RIMS1: variants seen among roughly 807,000 people sequenced by gnomAD.
RIMS1 encodes the protein regulating synaptic membrane exocytosis protein 1.
RIMS1 carries 83 observed loss-of-function variants against 214.1 expected under a neutral mutation model. That is an observed-to-expected ratio of 0.39 (90% CI 0.32 to 0.47). RIMS1 has a LOEUF of 0.47. RIMS1 is among the 20% of genes least tolerant of loss of function. The probability of loss-of-function intolerance (pLI) is 0.99; values close to 1 mark genes in which losing one functional copy is unlikely to be tolerated. For missense variants in RIMS1, 2,050 were observed against 2,161.8 expected (o/e 0.95, Z 1.03); for synonymous variants, 793 against 786.8 (o/e 1.01, Z -0.13).
intron 2 of RIMS1, among the ~76,000 whole-genome samples, chr6:72,012,497 T>C (rs1375790635): frequency 1.3e-5 from 2 of 151,776 alleles, no homozygotes; most frequent in Admixed American, 1.3e-4. Flanking sequence ...ACTGAAAAAA[T>C]TATGAAGTTG....
chr6:72,250,519 A>C (rs748577238), intron 13 of RIMS1, 59 bp downstream of exon 13: 84 of 1,246,812 alleles, frequency 6.7e-5, no homozygotes, highest in Non-Finnish European at 9.2e-5. Flanking sequence ...AAAAGGTAGA[A>C]TTTTCTCTTT....
intron 2 of RIMS1, among the ~76,000 whole-genome samples, chr6:72,021,562 T>C (rs1425449190): frequency 6.6e-6 from 1 of 152,200 alleles, no homozygotes; most frequent in Non-Finnish European, 1.5e-5. Flanking sequence ...TTAAGCCCAG[T>C]ATACCTGGTG....
At chr6:72,346,068 T>TG (rs1393629755) in intron 29 of RIMS1, among the ~76,000 whole-genome samples, 1 of 151,790 alleles carries the variant, frequency 6.6e-6, no homozygotes, top group Admixed American at 6.6e-5. Context: ...AGGTCCTTTT[T>TG]GACCCTCCAT....
At chr6:72,015,119 G>C (rs534234413) in intron 2 of RIMS1, among the ~76,000 whole-genome samples, 6 of 152,046 alleles carry the variant, frequency 3.9e-5, no homozygotes, top group Non-Finnish European at 8.8e-5. Flanking sequence ...GTCTAAACAT[G>C]AAATTATTTA....
intron 2 of RIMS1, among the ~76,000 whole-genome samples, chr6:72,048,829 T>G (rs11753405): frequency 0.12 from 17,520 of 152,168 alleles, 1,195 homozygotes; most frequent in South Asian, 0.18. Flanking sequence ...GAGGAAGGGG[T>G]GGACTGCAGT....
At chr6:72,123,011 C>T (rs1587572180) in intron 4 of RIMS1, among the ~76,000 whole-genome samples, 1 of 151,770 alleles carries the variant, frequency 6.6e-6, no homozygotes, top group South Asian at 2.1e-4. Flanking sequence ...TTGTCTTCTG[C>T]TAGCTTTTGA....
At chr6:72,207,341 A>G (rs886747200) in intron 6 of RIMS1, among the ~76,000 whole-genome samples, 1 of 152,224 alleles carries the variant, frequency 6.6e-6, no homozygotes. Flanking sequence ...TGTAGCATTT[A>G]ATTACTTAGC....
rs555590962 is a variant in RIMS1, at chr6:72,198,684, A to G, written c.1678+15535A>G. 5.2e-4 allele frequency among the ~76,000 whole-genome samples: 79 copies of G among 152,106 alleles called. No homozygotes were observed. The Middle Eastern group carries it at 0.017, about 33-fold the overall frequency. On this transcript the variant is annotated intron_variant, in intron 6 of 33. Transcript: ENST00000521978. ...AAAATGTTCCCAACATATAGAAACA[A>G]TAAATACGTGAGATAATGGATATCT...
intron 2 of RIMS1, among the ~76,000 whole-genome samples, chr6:72,018,310 A>G (rs1056246215): frequency 6.6e-6 from 1 of 152,174 alleles, no homozygotes; most frequent in East Asian, 1.9e-4. Flanking sequence ...AGAATAATTA[A>G]GTTTTTTTGG....
chr6:72,105,357 G>A (rs1411562737), intron 4 of RIMS1, among the ~76,000 whole-genome samples: 1 of 151,684 alleles, frequency 6.6e-6, no homozygotes, highest in Non-Finnish European at 1.5e-5. Context: ...CATTTTACAT[G>A]GTAATTCATG....
rs1362805046 is a variant in RIMS1 at position 72,290,550 on chromosome 6, C to T, written c.3555-129C>T. On this transcript the variant is annotated intron_variant, in intron 24 of 33. Transcript: ENST00000521978. ...GATTTGAATTCCATTTCAATAATTGCGTGATGGGTTCTCTTCTTTGAAATT... is the reference window on the plus strand; with the variant it reads ...GATTTGAATTCCATTTCAATAATTGTGTGATGGGTTCTCTTCTTTGAAATT... 34 of 711,362 alleles carry T rather than the reference C, an allele frequency of 4.8e-5. No individual in the cohort carries two copies. The East Asian group carries it at 5.5e-4, about 12-fold the overall frequency. The allele number at this position is 711,362 out of a possible 1,614,324, so 44.1% of individuals were successfully genotyped here.
intron 2 of RIMS1, among the ~76,000 whole-genome samples, chr6:71,973,790 G>A (rs576055965): frequency 6.6e-6 from 1 of 152,320 alleles, no homozygotes; most frequent in South Asian, 2.1e-4. Flanking sequence ...GGGCCAATAG[G>A]AAGCTGGGAG....
intron 7 of RIMS1, among the ~76,000 whole-genome samples, chr6:72,235,339 C>T (rs898261142): frequency 1.3e-5 from 2 of 152,024 alleles, no homozygotes; most frequent in Admixed American, 6.6e-5. Flanking sequence ...ACAAATCTCT[C>T]CCTACCCTTT....
intron 6 of RIMS1, among the ~76,000 whole-genome samples, chr6:72,191,040 C>T (rs1025095157): frequency 6.6e-6 from 1 of 152,170 alleles, no homozygotes; most frequent in Non-Finnish European, 1.5e-5. Flanking sequence ...CTCTATCTGC[C>T]ACTGACACCT....
At position 72,313,520 on chromosome 6, in the gene RIMS1, A is replaced by C; in HGVS notation, c.3978A>C (p.Lys1326Asn). ...TTAATCTTTAGTATAACATACATAA[A>C]GATCAGTACAGAAGCTGTGATAACG... ...REQYSKYNIH[K>N]DQYRSCDNVS... The change falls in exon 28 of 34, where the codon AAA becomes AAC. Residue 1326 changes from lysine to asparagine, a missense_variant. Around this residue, in one of 6 missense-constraint regions of RIMS1, gnomAD observed 889 missense variants for 885.5 expected, o/e 1.00. Transcript: ENST00000521978. 2 of 1,613,408 alleles carry C rather than the reference A, an allele frequency of 1.2e-6. No individual in the cohort carries two copies. The highest frequency in any genetic ancestry group is 1.1e-5 in the South Asian group (1 of 90,946).
intron 1 of RIMS1, among the ~76,000 whole-genome samples, chr6:71,948,642 A>G (rs1227967400): frequency 6.6e-6 from 1 of 152,230 alleles, no homozygotes; most frequent in Non-Finnish European, 1.5e-5. Context: ...TGATTGGCAC[A>G]TAATGAGTGT....
At chr6:72,013,797 A>G (rs557204202) in intron 2 of RIMS1, among the ~76,000 whole-genome samples, 231 of 152,314 alleles carry the variant, frequency 1.5e-3, no homozygotes, top group Non-Finnish European at 2.9e-3. Context: ...GTTTATTCAC[A>G]AAGTTGTGCA....
intron 2 of RIMS1, among the ~76,000 whole-genome samples, chr6:72,094,195 G>C (rs1489685064): frequency 6.6e-6 from 1 of 152,110 alleles, no homozygotes; most frequent in African/African-American, 2.4e-5. Flanking sequence ...GTGTGTATTG[G>C]CTGCTACAAA....
At chr6:72,231,910 G>A (rs1437237534) in intron 6 of RIMS1, among the ~76,000 whole-genome samples, 3 of 151,522 alleles carry the variant, frequency 2.0e-5, no homozygotes, top group Admixed American at 6.6e-5. Flanking sequence ...TAATATGAGC[G>A]AAACAAGGGG....
Sources: allele counts gnomAD v4.1 joint callset (sites outside exome capture counted in the v4.1 genomes callset), GRCh38; gene constraint gnomAD v4.1.1; regional missense constraint gnomAD v4.1.1; transcripts MANE v1.5; gene names NCBI Gene and HGNC (gene_info 2026-07-23, HGNC 2026-07-21).